Variants in SREBF1 observed in about 807,000 individuals in gnomAD.
SREBF1 encodes sterol regulatory element-binding protein 1.
SREBF1 carries 45 observed loss-of-function variants against 100.1 expected under a neutral mutation model. The ratio of observed to expected loss-of-function variants is 0.45; its 90% CI spans 0.35 to 0.58. SREBF1 has a LOEUF of 0.58. Among genes scored for constraint, SREBF1 ranks in the 20% least tolerant of loss-of-function variants. The pLI, the probability that SREBF1 is intolerant of heterozygous loss-of-function variation, is 0.00. For synonymous variants in SREBF1, 657 were observed against 681.8 expected (o/e 0.96, Z 0.57); for missense variants, 1,324 against 1,539.4 (o/e 0.86, Z 2.34).
Position 17,820,323 on chromosome 17 carries a change from A to G in SREBF1, c.290T>C (p.Leu97Pro), listed in dbSNP as rs1480919507. 15 of 1,613,550 alleles carry G rather than the reference A, an allele frequency of 9.3e-6. No individual in the cohort carries two copies. Among genetic ancestry groups the G allele is most frequent in the Non-Finnish European group, 9.3e-6 (11 of 1,179,864 alleles). The change falls in exon 2 of 19, where the codon CTG (leucine) becomes CCG (proline). Residue 97 changes from leucine to proline, a missense_variant. Transcript: ENST00000261646. ...LSGPQAAPSP[L>P]SPPQPAPTPL... ...AGTGGGTGCAGGCTGGGGAGGGGAC[A>G]GGGGTGAGGGCGCTGCCTGCGGCCC...
At chr17:17,820,895 A>G in intron 1 of SREBF1, 1 of 342,740 alleles carries the variant, frequency 2.9e-6, no homozygotes, top group South Asian at 2.7e-5. Context: ...CCAAACATCT[A>G]GAAACATCCT....
At position 17,817,423 on chromosome 17, in the gene SREBF1, C is replaced by T. The variant is rs554828730; in HGVS notation, c.1439G>A (p.Arg480Gln). 4.6e-5 allele frequency: 73 copies of T among 1,594,920 alleles called. No homozygotes were observed. The South Asian group carries it at 5.9e-4, about 13-fold the overall frequency. ...KPEQRPSLHS[R>Q]GMLDRSRLAL... ...CAGGCGGGAGCGGTCCAGCATGCCC[C>T]GGCTGTGCAGAGACGGCCGCTGCTC... is the stretch of plus-strand genomic sequence containing the variant. Residue 480 changes from arginine (R) to glutamine (Q), a missense_variant, in exon 8 of 19, where the codon CGG becomes CAG. Transcript: ENST00000261646. This position sits in a 1 kb window ranked among gnomAD's most constrained non-coding sequence, Gnocchi z 6.6.
In SREBF1 at chr17:17,815,223, G is replaced by A. The variant is rs1276296942; in HGVS notation, c.2490C>T (p.Asp830=). The part of the protein sequence containing the change: ...PNPSPGSADG[D]KEFSDALGYL... ...GAGGAGGGCACAACGACACTTACTTGTCCCCATCAGCTGACCCAGGGCTGG... is the reference window on the plus strand; with the variant it reads ...GAGGAGGGCACAACGACACTTACTTATCCCCATCAGCTGACCCAGGGCTGG... The change falls in exon 13 of 19, where the codon GAC becomes GAT. Residue 830 remains aspartate, a splice_region_variant and synonymous_variant. Transcript: ENST00000261646. The A allele has an allele frequency of 6.2e-7, 1 of 1,612,868 alleles. No individual in the cohort carries two copies. The highest frequency in any genetic ancestry group is 1.7e-5 in the Admixed American group (1 of 60,022).
intron 1 of SREBF1, among the ~76,000 whole-genome samples, chr17:17,833,436 AAAAAAAAAAAAAAAATAT>A (rs1387088028): frequency 8.1e-6 from 1 of 123,878 alleles, no homozygotes; most frequent in African/African-American, 3.5e-5. Context: ...AAAAAAAAAA[AAAAAAAAAAAAAAAATAT>A]ATATATATAT....
intron 1 of SREBF1, among the ~76,000 whole-genome samples, chr17:17,832,814 G>C (rs1424214690): frequency 6.6e-6 from 1 of 152,086 alleles, no homozygotes; most frequent in Non-Finnish European, 1.5e-5. Flanking sequence ...CAAGCTACTC[G>C]GGAGGCTGAG....
At chr17:17,816,162 G>T in intron 11 of SREBF1, 45 bp downstream of exon 11, 2 of 761,682 alleles carry the variant, frequency 2.6e-6, no homozygotes, top group Non-Finnish European at 3.3e-6. Context: ...GGGAGCCTCT[G>T]GAGAGAGCTG....
intron 1 of SREBF1, among the ~76,000 whole-genome samples, chr17:17,822,164 G>A (rs1485235654): frequency 1.3e-5 from 2 of 152,242 alleles, no homozygotes; most frequent in Non-Finnish European, 2.9e-5. Context: ...AGCAGCCCAA[G>A]AGCATGCAGT....
intron 1 of SREBF1, among the ~76,000 whole-genome samples, chr17:17,832,560 C>T (rs925724118): frequency 2.0e-5 from 3 of 152,312 alleles, no homozygotes; most frequent in African/African-American, 7.2e-5. Flanking sequence ...AAAGCAGGCT[C>T]GACCTCTGAC....
rs756696543 is a variant in SREBF1 at position 17,813,468 on chromosome 17, A to G, written c.3114T>C (p.His1038=). 2.6e-5 allele frequency: 41 copies of G among 1,601,144 alleles called. No individual in the cohort carries two copies. The Admixed American group carries it at 5.1e-4, about 20-fold the overall frequency. ...CCGCCATCAGCCGGGCCGTGGCCTC[A>G]TGTAGGAACACCTGGGGGCCAGGAG... The part of the protein sequence containing the change: ...FRPAMRRVFL[H]EATARLMAGA... The change falls in exon 18 of 19, where the codon CAT becomes CAC. Residue 1038 remains histidine (H), a synonymous_variant. Coordinates refer to ENST00000261646, the MANE Select transcript of SREBF1 (RefSeq NM_004176.5).
At chr17:17,822,726 C>T (rs2034187044) in intron 1 of SREBF1, among the ~76,000 whole-genome samples, 1 of 152,244 alleles carries the variant, frequency 6.6e-6, no homozygotes. Context: ...CTCACTGGCC[C>T]CAGTTTCCTC....
chr17:17,814,763 G>T lies in SREBF1; in HGVS notation c.2603-16C>A. The T allele has an allele frequency of 6.2e-7, 1 of 1,611,474 alleles. No homozygotes were observed. Among genetic ancestry groups the T allele is most frequent in the South Asian group, 1.1e-5 (1 of 90,730 alleles). On this transcript the variant is annotated splice_polypyrimidine_tract_variant and intron_variant, in intron 14 of 18. Coordinates refer to ENST00000261646, the MANE Select transcript of SREBF1 (RefSeq NM_004176.5). ...GGGTCTACGCCTGCAGAAGAGGGAG[G>T]GTCCCCTGAACCCTCAGTCACGCTG... is the stretch of plus-strand genomic sequence containing the variant.
rs375687681 is a variant in SREBF1 at position 17,814,849 on chromosome 17, A to G, written c.2588T>C (p.Met863Thr). ...CGGGGACTCACCGGTGGTGGTGGCC[A>G]TGCTGGAACTGATGGAGAAGCTGTA... ...PAYSFSISSS[M>T]ATTTGVDPVA... is the part of the protein sequence containing the mutation. The change falls in exon 14 of 19, where the codon ATG becomes ACG. Residue 863 changes from methionine to threonine, a missense_variant. By Grantham distance (81) the Met-to-Thr change is moderately conservative. Transcript: ENST00000261646. The G allele has an allele frequency of 6.3e-7, 1 of 1,594,984 alleles. No individual in the cohort carries two copies. The highest frequency in any genetic ancestry group is 8.5e-7 in the Non-Finnish European group (1 of 1,171,574).
chr17:17,814,357 A>C lies in SREBF1; in HGVS notation c.2789T>G (p.Leu930Arg), dbSNP rs138489288. 2.0e-4 allele frequency: 311 copies of C among 1,575,278 alleles called. 1 individual carries two copies. Among genetic ancestry groups the C allele is most frequent in the Middle Eastern group, 1.0e-3 (6 of 6,010 alleles). Reference sequence around the variant, plus strand: ...ACCAGACTCTGCCTTGGCACAGCCCAGCAGGGCCCGGGCAGCCTTGAAGGA... The same window carrying C: ...ACCAGACTCTGCCTTGGCACAGCCCCGCAGGGCCCGGGCAGCCTTGAAGGA... Reference protein sequence around the residue: ...LHSFKAARALLGCAKAESGPA... With the variant: ...LHSFKAARALRGCAKAESGPA... Residue 930 changes from leucine to arginine, a missense_variant, in exon 16 of 19, where the codon CTG becomes CGG. Transcript: ENST00000261646.
At position 17,817,441 on chromosome 17, in the gene SREBF1, C is replaced by A; in HGVS notation, c.1421G>T (p.Arg474Leu). 6.3e-7 allele frequency: 1 copy of A among 1,586,194 alleles called. No individual in the cohort carries two copies. The highest frequency in any genetic ancestry group is 8.6e-7 in the Non-Finnish European group (1 of 1,166,136). ...CATGCCCCGGCTGTGCAGAGACGGC[C>A]GCTGCTCTGGCTTTGCCTGGTGGGG... ...FEDSKAKPEQ[R>L]PSLHSRGMLD... The change falls in exon 8 of 19, where the codon CGG becomes CTG. Residue 474 changes from arginine (R) to leucine (L), a missense_variant. Coordinates refer to ENST00000261646, the MANE Select transcript of SREBF1 (RefSeq NM_004176.5). This position sits in a 1 kb window ranked among gnomAD's most constrained non-coding sequence, Gnocchi z 6.6.
Position 17,816,213 on chromosome 17 carries a change from A to G in SREBF1, c.2208T>C (p.Phe736=), listed in dbSNP as rs2033564719. The change falls in exon 11 of 19, where the codon TTT becomes TTC. Residue 736 remains phenylalanine (F), a synonymous_variant. Coordinates refer to ENST00000261646, the MANE Select transcript of SREBF1 (RefSeq NM_004176.5). The part of the protein sequence containing the change: ...VKTSLPRALH[F]LTRFFLSSAR... ...AGCCCCCCAACCCACTCACTGTCAG[A>G]AAATGCAAGGCCCGTGGGAGACTGG... 1 of 530,882 alleles carries G rather than the reference A, an allele frequency of 1.9e-6. No individual in the cohort carries two copies. Among genetic ancestry groups the G allele is most frequent in the East Asian group, 1.1e-4 (1 of 8,728 alleles). The allele number at this position is 530,882 out of a possible 1,614,324, so 32.9% of individuals were successfully genotyped here.
In SREBF1 at chr17:17,811,613, C is replaced by G. The variant is rs2032850971; in HGVS notation, c.*1009G>C. The G allele has an allele frequency of 2.3e-6, 1 of 426,426 alleles. No individual in the cohort carries two copies. The highest frequency in any genetic ancestry group is 1.6e-5 in the South Asian group (1 of 61,068). The allele number at this position is 426,426 out of a possible 1,614,324, so 26.4% of individuals were successfully genotyped here. A position where few individuals can be genotyped will look rare whatever the true frequency, so the allele number is the denominator to read the frequency against. ...AACCTCCCCCGCCCCTGTGCCCCCT[C>G]TCCAGTGTGGCGGCAGGTCGGGAGG... On this transcript the variant is annotated 3_prime_UTR_variant, in exon 19 of 19. Coordinates refer to ENST00000261646, the MANE Select transcript of SREBF1 (RefSeq NM_004176.5).
At chr17:17,833,359 T>G (rs1322063490) in intron 1 of SREBF1, among the ~76,000 whole-genome samples, 1 of 136,856 alleles carries the variant, frequency 7.3e-6, no homozygotes, top group African/African-American at 2.8e-5. Flanking sequence ...AGGCGGAGCT[T>G]GCAGTGAGCC....
rs770716460 is a variant in SREBF1 at position 17,819,728 on chromosome 17, G to A, written c.524-3C>T. 2.5e-6 allele frequency: 4 copies of A among 1,598,144 alleles called. No homozygotes were observed. In the East Asian group the frequency reaches 6.7e-5, roughly 27 times the overall value. ...CTGGGTGTTCCCGGGAGGGCTTCCT[G>A]CAGAAATAAAGCATGGGGCTGCAGA... On this transcript the variant is annotated splice_polypyrimidine_tract_variant and splice_region_variant and intron_variant, in intron 2 of 18. Transcript: ENST00000261646.
chr17:17,813,554 C>G lies in SREBF1; in HGVS notation c.3102+15G>C. 1 of 1,594,438 alleles carries G rather than the reference C, an allele frequency of 6.3e-7. No homozygotes were observed. Among genetic ancestry groups the G allele is most frequent in the Non-Finnish European group, 8.5e-7 (1 of 1,172,302 alleles). ...CTGACTCCCCGTCTTGAGGACAGGG[C>G]CATCGGGCACTCACCCTCCGCATGG... is the stretch of plus-strand genomic sequence containing the variant. On this transcript the variant is annotated intron_variant, in intron 17 of 18. Transcript: ENST00000261646.
Sources: gnomAD v4.1 joint callset for allele counts (sites outside exome capture counted in the v4.1 genomes callset) on GRCh38, gnomAD v4.1.1 for gene constraint, Gnocchi (gnomAD v3.1) non-coding constraint, MANE v1.5 for transcripts, NCBI Gene and HGNC (gene_info 2026-07-23, HGNC 2026-07-21) for gene names.